The following EXOC4 variants were observed in gnomAD, a reference collection of about 807,000 sequenced individuals.
EXOC4 encodes the protein exocyst complex component 4.
EXOC4 carries 71 observed loss-of-function variants against 107.2 expected under a neutral mutation model. That is an observed-to-expected ratio of 0.66 (90% confidence interval 0.55 to 0.81). EXOC4 has a LOEUF of 0.81. Ranked by LOEUF, EXOC4 falls within the 30% of genes least tolerant of loss-of-function variation. The pLI, the probability that EXOC4 is intolerant of heterozygous loss-of-function variation, is 0.00. For missense variants in EXOC4, 1,108 were observed against 1,189.6 expected (o/e 0.93, Z 1.01); for synonymous variants, 456 against 441.2 (o/e 1.03, Z -0.42).
At position 133,312,490 on chromosome 7, in the gene EXOC4, C is replaced by T. The variant is rs1170541353; in HGVS notation, c.657-4794C>T. On this transcript the variant is annotated intron_variant, in intron 4 of 17. Coordinates refer to ENST00000253861, the MANE Select transcript of EXOC4 (RefSeq NM_021807.4). Reference sequence around the variant, plus strand: ...TAGAAATTCTTTTATTTCCTGTGTACATCATGAGCATGTTTTTTAAAAATA... The same window carrying T: ...TAGAAATTCTTTTATTTCCTGTGTATATCATGAGCATGTTTTTTAAAAATA... Among the ~76,000 whole-genome samples the T allele has an allele frequency of 2.0e-5, 3 of 152,070 alleles. No homozygotes were observed. The East Asian group carries it at 5.8e-4, about 29-fold the overall frequency.
chr7:133,840,672 G>A (rs990649407), intron 11 of EXOC4, among the ~76,000 whole-genome samples: 1 of 151,746 alleles, frequency 6.6e-6, no homozygotes, highest in Non-Finnish European at 1.5e-5. Context: ...TAGTAGAGAC[G>A]GAGTTTCACC....
chr7:133,614,152 GA>G (rs143627085), intron 9 of EXOC4, among the ~76,000 whole-genome samples: 10,266 of 152,078 alleles, frequency 0.068, 395 homozygotes, highest in Middle Eastern at 0.099. Flanking sequence ...TACACTGGGG[GA>G]AAAAATGCCA....
chr7:133,936,900 A>G (rs939562314), intron 13 of EXOC4, among the ~76,000 whole-genome samples: 3 of 152,092 alleles, frequency 2.0e-5, no homozygotes, highest in African/African-American at 7.2e-5. Flanking sequence ...AGCTCAGGCA[A>G]TCCACCTGCC....
At position 133,351,186 on chromosome 7, in the gene EXOC4, A is replaced by G. The variant is rs146753852; in HGVS notation, c.764-5144A>G. Among the ~76,000 whole-genome samples, 394 of 151,988 alleles carry G rather than the reference A, an allele frequency of 2.6e-3. 3 individuals carry two copies. Among genetic ancestry groups the G allele is most frequent in the Middle Eastern group, 0.01 (3 of 294 alleles). On this transcript the variant is annotated intron_variant, in intron 5 of 17. Coordinates refer to ENST00000253861, the MANE Select transcript of EXOC4 (RefSeq NM_021807.4). ...TTTGTAGTTTTATTATACTGCTTTT[A>G]TCTGGCTTTGGTATCAGGGCAATGC...
chr7:133,973,287 T>A (rs1793741212), intron 14 of EXOC4, among the ~76,000 whole-genome samples: 1 of 152,084 alleles, frequency 6.6e-6, no homozygotes, highest in African/African-American at 2.4e-5. Context: ...TTAAGGGGAA[T>A]GTAAGTATCA....
chr7:133,385,076 G>A (rs1796699449), intron 7 of EXOC4, among the ~76,000 whole-genome samples: 1 of 152,126 alleles, frequency 6.6e-6, no homozygotes, highest in Non-Finnish European at 1.5e-5. Context: ...TGACCTTGCA[G>A]CAGCGTTGTC....
chr7:133,263,374 CTTTTTTTTTTTTTT>C (rs920302686), intron 1 of EXOC4, among the ~76,000 whole-genome samples: 34 of 83,974 alleles, frequency 4.0e-4, no homozygotes, highest in African/African-American at 1.6e-3. Flanking sequence ...AAAAAGCATT[CTTTTTTTTTTTTTT>C]TTTTTTTTTT....
chr7:133,522,884 TA>T (rs1800006140), intron 9 of EXOC4, among the ~76,000 whole-genome samples: 1 of 152,136 alleles, frequency 6.6e-6, no homozygotes, highest in East Asian at 1.9e-4. Context: ...GATATGACCA[TA>T]TAAAAACCAT....
chr7:133,295,089 G>C (rs1169491741), intron 3 of EXOC4, among the ~76,000 whole-genome samples: 1 of 152,028 alleles, frequency 6.6e-6, no homozygotes, highest in Non-Finnish European at 1.5e-5. Context: ...GATATTGTAG[G>C]AAATGATATG....
chr7:133,867,161 G>T (rs1798658252), intron 11 of EXOC4, among the ~76,000 whole-genome samples: 2 of 152,224 alleles, frequency 1.3e-5, no homozygotes, highest in South Asian at 4.1e-4. Flanking sequence ...GATTGTCAGG[G>T]TTCAAGCCCT....
chr7:133,532,981 A>T (rs1800208049), intron 9 of EXOC4, among the ~76,000 whole-genome samples: 1 of 152,004 alleles, frequency 6.6e-6, no homozygotes, highest in Non-Finnish European at 1.5e-5. Flanking sequence ...AGCATGACCC[A>T]GAAACAGCCC....
Position 133,374,935 on chromosome 7 carries a change from C to T in EXOC4, c.1115C>T (p.Thr372Ile). Residue 372 changes from threonine (T) to isoleucine (I), a missense_variant, in exon 7 of 18, where the codon ACT (threonine) becomes ATT (isoleucine). Physicochemically the swap from Thr to Ile is moderately conservative, Grantham distance 89. Transcript: ENST00000253861. The part of the protein sequence containing the change: ...YLQDTVVTPL[T>I]QQEDIKLYDM... The stretch of plus-strand genomic sequence containing the variant: ...CAGGACACTGTAGTGACTCCACTGA[C>T]TCAGCAGGAAGATATCAAACTGTAT... The T allele has an allele frequency of 5.0e-6, 8 of 1,614,058 alleles. No homozygotes were observed. The highest frequency in any genetic ancestry group is 5.9e-6 in the Non-Finnish European group (7 of 1,179,958).
At chr7:133,853,393 CACACAA>C (rs1798281959) in intron 11 of EXOC4, among the ~76,000 whole-genome samples, 2 of 126,256 alleles carry the variant, frequency 1.6e-5, no homozygotes, top group East Asian at 2.2e-4. Context: ...CACACACACA[CACACAA>C]CTTTTTAGAG....
downstream of EXOC4, among the ~76,000 whole-genome samples, chr7:134,069,399 C>G (rs1380689362): frequency 6.9e-6 from 1 of 145,584 alleles, no homozygotes; most frequent in African/African-American, 2.6e-5. Context: ...CTCTTCTCCC[C>G]CTACTTCTCC....
Position 133,356,479 on chromosome 7 carries a change from C to G in EXOC4, c.913C>G (p.Gln305Glu). Residue 305 changes from glutamine (Q) to glutamate (E), a missense_variant, in exon 6 of 18, where the codon CAG becomes GAG. Coordinates refer to ENST00000253861, the MANE Select transcript of EXOC4 (RefSeq NM_021807.4). ...TVKAIIERLE[Q>E]ELKQIVKRST... ...TAAGGCAATCATAGAGCGCTTGGAG[C>G]AGGAGTTGAAGCAAATTGTGAAGAG... is the stretch of plus-strand genomic sequence containing the variant. The G allele has an allele frequency of 6.2e-7, 1 of 1,614,098 alleles. No individual in the cohort carries two copies. Among genetic ancestry groups the G allele is most frequent in the Non-Finnish European group, 8.5e-7 (1 of 1,180,024 alleles).
intron 10 of EXOC4, among the ~76,000 whole-genome samples, chr7:133,745,326 C>A (rs1795651088): frequency 6.6e-6 from 1 of 152,086 alleles, no homozygotes; most frequent in Non-Finnish European, 1.5e-5. Flanking sequence ...GTTTGAATCT[C>A]AACTGTTCTT....
At chr7:134,008,820 A>G (rs1278396688) in intron 17 of EXOC4, among the ~76,000 whole-genome samples, 2 of 151,852 alleles carry the variant, frequency 1.3e-5, no homozygotes, top group African/African-American at 2.4e-5. Flanking sequence ...TTATAGAGAC[A>G]GGGTCTCACT....
At chr7:133,756,616 T>C (rs1471185477) in intron 10 of EXOC4, among the ~76,000 whole-genome samples, 1 of 152,160 alleles carries the variant, frequency 6.6e-6, no homozygotes, top group Non-Finnish European at 1.5e-5. Flanking sequence ...CAAACACATA[T>C]AATGTTTCAT....
chr7:133,920,900 A>G (rs1468167370), intron 13 of EXOC4, among the ~76,000 whole-genome samples: 2 of 152,124 alleles, frequency 1.3e-5, no homozygotes, highest in Non-Finnish European at 2.9e-5. Flanking sequence ...TTTTTTCTTC[A>G]CTTAAAGGAT....
Sources: allele counts gnomAD v4.1 joint callset (sites outside exome capture counted in the v4.1 genomes callset), GRCh38; gene constraint gnomAD v4.1.1; transcripts MANE v1.5; gene names NCBI Gene and HGNC (gene_info 2026-07-23, HGNC 2026-07-21).